Variants in TLN2 observed in about 807,000 individuals in gnomAD.
The protein encoded by TLN2 is talin-2.
TLN2 carries 118 observed loss-of-function variants against 294.7 expected under a neutral mutation model. The observed-to-expected ratio is 0.40, with a 90% CI of 0.34 to 0.47. TLN2 has a LOEUF of 0.47. Ranked by LOEUF, TLN2 falls within the 20% of genes least tolerant of loss-of-function variation. The pLI is 0.84. For synonymous variants in TLN2, 1,431 were observed against 1,304.5 expected (o/e 1.10, Z -2.09); for missense variants, 3,083 against 3,282.2 (o/e 0.94, Z 1.48).
At chr15:62,719,167 C>G (rs117992857) in intron 24 of TLN2, among the ~76,000 whole-genome samples, 1,705 of 152,278 alleles carry the variant, frequency 0.011, 15 homozygotes, top group Middle Eastern at 0.054. Flanking sequence ...TCCCAAGGCA[C>G]ACTGTAGGAG....
intron 1 of TLN2, among the ~76,000 whole-genome samples, chr15:62,484,206 G>C (rs2038259557): frequency 1.3e-5 from 2 of 152,162 alleles, no homozygotes; most frequent in Admixed American, 6.5e-5. Flanking sequence ...GAAGTGAATT[G>C]GACTTGGAGA....
rs566059577 is a variant in TLN2 at position 62,648,605 on chromosome 15, C to T, written c.136+1159C>T. 2.9e-5 allele frequency among the ~76,000 whole-genome samples: 4 copies of T among 138,144 alleles called. No homozygotes were observed. In the South Asian group the frequency reaches 6.9e-4, roughly 24 times the overall value. The allele number at this position is 138,144 out of a possible 152,430, so 90.6% of individuals were successfully genotyped here. On this transcript the variant is annotated intron_variant, in intron 4 of 58. Coordinates refer to ENST00000636159, the MANE Select transcript of TLN2 (RefSeq NM_015059.3). ...TCTTGTTGCCCAGGCTGGAGGGCAA[C>T]GATGTGATCTTGGCTCACTGCAACC...
At chr15:62,462,439 G>A (rs970100916) in intron 1 of TLN2, among the ~76,000 whole-genome samples, 2 of 152,116 alleles carry the variant, frequency 1.3e-5, no homozygotes, top group African/African-American at 4.8e-5. Context: ...GAAACTGGCT[G>A]GACACATTGT....
intron 41 of TLN2, among the ~76,000 whole-genome samples, chr15:62,770,126 C>G (rs543785153): frequency 2.6e-4 from 40 of 152,318 alleles, no homozygotes; most frequent in African/African-American, 9.1e-4. Context: ...GCCGCTGTCT[C>G]CACCTCTTAG....
chr15:62,739,645 G>GA, intron 31 of TLN2, 100 bp downstream of exon 31: 1 of 1,405,670 alleles, frequency 7.1e-7, no homozygotes, highest in Non-Finnish European at 9.8e-7. Flanking sequence ...AAGGAACCTG[G>GA]AAACAGGCAG....
At chr15:62,480,700 C>T (rs1429522990) in intron 1 of TLN2, among the ~76,000 whole-genome samples, 1 of 152,190 alleles carries the variant, frequency 6.6e-6, no homozygotes, top group Admixed American at 6.5e-5. Flanking sequence ...TCTGGTCCTG[C>T]GTTGCATGCC....
At chr15:62,783,142 G>A (rs374154954) in intron 44 of TLN2, among the ~76,000 whole-genome samples, 62 of 152,290 alleles carry the variant, frequency 4.1e-4, no homozygotes, top group African/African-American at 1.3e-3. Context: ...TAAATTTGTG[G>A]CTAAAACCTT....
intron 1 of TLN2, among the ~76,000 whole-genome samples, chr15:62,440,482 T>C (rs2035492811): frequency 6.6e-6 from 1 of 152,162 alleles, no homozygotes; most frequent in African/African-American, 2.4e-5. Context: ...TACAACCAAA[T>C]GGCAGAGCAT....
At chr15:62,640,427 T>C (rs1261388602) in intron 3 of TLN2, 16 of 449,222 alleles carry the variant, frequency 3.6e-5, no homozygotes, top group East Asian at 2.1e-4. Flanking sequence ...CACGGCCCCA[T>C]TGAGGTATGG....
chr15:62,453,630 T>A (rs1480744403), intron 1 of TLN2: 2 of 152,220 alleles, frequency 1.3e-5, no homozygotes, highest in African/African-American at 4.8e-5. Context: ...TCTTGTCCCT[T>A]CCTGTTTAAT....
chr15:62,440,889 C>G (rs2035511708), intron 1 of TLN2, among the ~76,000 whole-genome samples: 1 of 152,204 alleles, frequency 6.6e-6, no homozygotes. Context: ...ACAGCAAATA[C>G]TGCTCTGAAG....
chr15:62,738,063 A>G, intron 29 of TLN2, 151 bp from the exon 30 acceptor site: 1 of 778,130 alleles, frequency 1.3e-6, no homozygotes. Flanking sequence ...AGGGGCCTGG[A>G]TGAGGTGATG....
At chr15:62,605,085 A>G (rs1470747754) in intron 2 of TLN2, among the ~76,000 whole-genome samples, 1 of 152,220 alleles carries the variant, frequency 6.6e-6, no homozygotes, top group African/African-American at 2.4e-5. Context: ...ATTTTCATAT[A>G]ATGGAAATTA....
intron 52 of TLN2, among the ~76,000 whole-genome samples, chr15:62,815,864 T>A (rs182664404): frequency 6.6e-6 from 1 of 152,384 alleles, no homozygotes. Flanking sequence ...ACATTTTGTA[T>A]CTGTTCCCAC....
intron 3 of TLN2, among the ~76,000 whole-genome samples, chr15:62,646,520 G>T (rs985219299): frequency 6.6e-6 from 1 of 152,186 alleles, no homozygotes; most frequent in African/African-American, 2.4e-5. Flanking sequence ...TCCATAGTTT[G>T]TCTAAATCAA....
chr15:62,757,521 C>T lies in TLN2; in HGVS notation c.4638+1828C>T, dbSNP rs576270517. Among the ~76,000 whole-genome samples, 16 of 152,314 alleles carry T rather than the reference C, an allele frequency of 1.1e-4. No individual in the cohort carries two copies. In the South Asian group the frequency reaches 2.7e-3, roughly 26 times the overall value. On this transcript the variant is annotated intron_variant, in intron 37 of 58. Coordinates refer to ENST00000636159, the MANE Select transcript of TLN2 (RefSeq NM_015059.3). ...GACACTCTTTATTCTGTCGAAATTT[C>T]TGGAGCCCTTTCTTGTCTGCCTCCT...
rs749661984 is a variant in TLN2 at position 62,792,760 on chromosome 15, C to G, written c.5856C>G (p.Ile1952Met). 23 of 1,614,024 alleles carry G rather than the reference C, an allele frequency of 1.4e-5. 1 individual carries two copies. The highest frequency in any genetic ancestry group is 1.1e-5 in the South Asian group (1 of 91,058). Residue 1952 changes from isoleucine to methionine, a missense_variant, in exon 46 of 59, where the codon ATC becomes ATG. By Grantham distance (10) the Ile-to-Met change is conservative. Coordinates refer to ENST00000636159, the MANE Select transcript of TLN2 (RefSeq NM_015059.3). ...PTDSYTKREL[I>M]ECARAVTEKV... The stretch of plus-strand genomic sequence containing the variant: ...ACAGCTACACCAAGAGGGAGCTGAT[C>G]GAATGCGCCCGTGCCGTCACGGAAA...
At chr15:62,750,899 A>G (rs2061900986) in intron 34 of TLN2, among the ~76,000 whole-genome samples, 1 of 152,188 alleles carries the variant, frequency 6.6e-6, no homozygotes, top group Admixed American at 6.5e-5. Context: ...TCCTTCAGTA[A>G]CTTGACTTAC....
chr15:62,562,959 CA>C (rs1567104848), intron 1 of TLN2, among the ~76,000 whole-genome samples: 5 of 134,422 alleles, frequency 3.7e-5, no homozygotes, highest in African/African-American at 1.1e-4. Context: ...CACACACACA[CA>C]CACACACACA....
Sources: gnomAD v4.1 joint callset for allele counts (sites outside exome capture counted in the v4.1 genomes callset) on GRCh38, gnomAD v4.1.1 for gene constraint, MANE v1.5 for transcripts, NCBI Gene and HGNC (gene_info 2026-07-23, HGNC 2026-07-21) for gene names.